Variants in NEK10 observed in about 807,000 individuals in gnomAD.
NEK10 encodes NIMA related kinase 10, also known as serine/threonine-protein kinase Nek10.
In NEK10, 122 loss-of-function variants were observed where a neutral mutation model predicts 159.8. The ratio of observed to expected loss-of-function variants is 0.76; its 90% CI spans 0.66 to 0.89. NEK10 has a LOEUF of 0.89. Among genes scored for constraint, NEK10 ranks in the 40% least tolerant of loss-of-function variants. The pLI, the probability that NEK10 is intolerant of heterozygous loss-of-function variation, is 0.00. For synonymous variants in NEK10, 466 were observed against 457.1 expected (o/e 1.02, Z -0.25); for missense variants, 1,342 against 1,323.1 (o/e 1.01, Z -0.22).
At chr3:27,268,259 T>A (rs2041063470) in intron 22 of NEK10, among the ~76,000 whole-genome samples, 1 of 152,226 alleles carries the variant, frequency 6.6e-6, no homozygotes, top group Non-Finnish European at 1.5e-5. Flanking sequence ...GTTATCCAGA[T>A]CTGGCTAAGA....
Position 27,151,607 on chromosome 3 carries a change from C to T in NEK10, c.2870-10025G>A, listed in dbSNP as rs545668283. ...ATGACAAAACAAGGCTCTGTAACAC[C>T]CCCCAAAAATCACACTTGTTCACCA... On this transcript the variant is annotated intron_variant, in intron 30 of 35. Transcript: ENST00000691995. Among the ~76,000 whole-genome samples, 17 of 152,122 alleles carry T rather than the reference C, an allele frequency of 1.1e-4. 1 individual carries two copies. In the East Asian group the frequency reaches 2.5e-3, roughly 23 times the overall value.
intron 23 of NEK10, among the ~76,000 whole-genome samples, chr3:27,228,087 A>G (rs1209448947): frequency 6.6e-6 from 1 of 152,246 alleles, no homozygotes; most frequent in Non-Finnish European, 1.5e-5. Context: ...ACCAATGAAT[A>G]TTCCTAGTCA....
chr3:27,112,489 A>G (rs953254672), intron 35 of NEK10, among the ~76,000 whole-genome samples: 1 of 152,342 alleles, frequency 6.6e-6, no homozygotes, highest in Admixed American at 6.5e-5. Context: ...GATGATGACA[A>G]TGATGACCAT....
intron 13 of NEK10, among the ~76,000 whole-genome samples, chr3:27,299,690 G>T (rs569248130): frequency 6.6e-6 from 1 of 152,240 alleles, no homozygotes; most frequent in Non-Finnish European, 1.5e-5. Flanking sequence ...CCACAGGGGC[G>T]GAGCTGCCCA....
At chr3:27,216,164 G>C (rs951320896) in intron 23 of NEK10, among the ~76,000 whole-genome samples, 2 of 152,142 alleles carry the variant, frequency 1.3e-5, no homozygotes, top group Non-Finnish European at 1.5e-5. Flanking sequence ...AACCAGCTTT[G>C]TGAATGGGGT....
At chr3:27,170,709 A>T (rs564991705) in intron 29 of NEK10, among the ~76,000 whole-genome samples, 7 of 152,288 alleles carry the variant, frequency 4.6e-5, no homozygotes, top group Non-Finnish European at 8.8e-5. Context: ...TGGGTGACAG[A>T]GCAAGATTCT....
chr3:27,258,729 T>C (rs1406912477), intron 22 of NEK10, among the ~76,000 whole-genome samples: 3 of 152,214 alleles, frequency 2.0e-5, no homozygotes, highest in Non-Finnish European at 2.9e-5. Context: ...TTTGGGTACA[T>C]ACCCAGTAAT....
At chr3:27,221,394 C>G (rs1235467778) in intron 23 of NEK10, among the ~76,000 whole-genome samples, 1 of 152,034 alleles carries the variant, frequency 6.6e-6, no homozygotes, top group South Asian at 2.1e-4. Flanking sequence ...AATGAAAAAC[C>G]ATAGTGAGAT....
At chr3:27,303,859 G>T (rs1234806356) in intron 12 of NEK10, among the ~76,000 whole-genome samples, 1 of 152,064 alleles carries the variant, frequency 6.6e-6, no homozygotes, top group African/African-American at 2.4e-5. Context: ...ATTAGAATGA[G>T]CTTTATTTAT....
At position 27,237,480 on chromosome 3, in the gene NEK10, A is replaced by G. The variant is rs536023270; in HGVS notation, c.2090+18816T>C. Among the ~76,000 whole-genome samples, 6 of 152,288 alleles carry G rather than the reference A, an allele frequency of 3.9e-5. No individual in the cohort carries two copies. The South Asian group carries it at 8.3e-4, about 21-fold the overall frequency. On this transcript the variant is annotated intron_variant, in intron 23 of 35. Transcript: ENST00000691995. The stretch of plus-strand genomic sequence containing the variant: ...AAGTATTAATTTTGGGAACTGATAA[A>G]TGTCCATGAAATCTTCACAATTTAT...
chr3:27,286,831 T>G (rs909241940), intron 20 of NEK10, among the ~76,000 whole-genome samples: 3 of 151,994 alleles, frequency 2.0e-5, no homozygotes, highest in Non-Finnish European at 4.4e-5. Context: ...TTATAGAAAA[T>G]TATTTTAATA....
At chr3:27,145,134 C>CAA (rs11374645) in intron 30 of NEK10, among the ~76,000 whole-genome samples, 28 of 143,804 alleles carry the variant, frequency 1.9e-4, no homozygotes, top group Admixed American at 4.8e-4. Flanking sequence ...GACTGTTCAC[C>CAA]AAAAAAAAAA....
At chr3:27,271,685 G>A (rs2041371781) in intron 22 of NEK10, among the ~76,000 whole-genome samples, 1 of 152,130 alleles carries the variant, frequency 6.6e-6, no homozygotes, top group Non-Finnish European at 1.5e-5. Context: ...GGACATTTGG[G>A]AGACCTGGGT....
At chr3:27,327,450 CT>C (rs1231684728) in intron 5 of NEK10, among the ~76,000 whole-genome samples, 1 of 152,196 alleles carries the variant, frequency 6.6e-6, no homozygotes, top group Non-Finnish European at 1.5e-5. Context: ...CCTGCCACCC[CT>C]GTCCGTGACC....
At position 27,191,447 on chromosome 3, in the gene NEK10, A is replaced by T. The variant is rs140871420; in HGVS notation, c.2505+582T>A. On this transcript the variant is annotated intron_variant, in intron 26 of 35. Coordinates refer to ENST00000691995, the MANE Select transcript of NEK10 (RefSeq NM_001394966.1). ...CAGCAACAAGAGCATCACTGGCACC[A>T]TTGCTTGCACATGTGGATATTTGTA... is the stretch of plus-strand genomic sequence containing the variant. Among the ~76,000 whole-genome samples, 27 of 152,378 alleles carry T rather than the reference A, an allele frequency of 1.8e-4. No homozygotes were observed. In the East Asian group the frequency reaches 5.2e-3, roughly 29 times the overall value.
intron 1 of NEK10, among the ~76,000 whole-genome samples, chr3:27,355,465 A>G (rs2048269813): frequency 6.6e-6 from 1 of 151,962 alleles, no homozygotes; most frequent in Non-Finnish European, 1.5e-5. Context: ...AGTGCTCCTC[A>G]TCTTGGTAAC....
rs2042438263 is a variant in NEK10 at position 27,284,601 on chromosome 3, C to G, written c.2014+1G>C. 1 of 1,504,822 alleles carries G rather than the reference C, an allele frequency of 6.6e-7. No individual in the cohort carries two copies. Among genetic ancestry groups the G allele is most frequent in the Admixed American group, 1.7e-5 (1 of 59,826 alleles). The allele number at this position is 1,504,822 out of a possible 1,614,324, so 93.2% of individuals were successfully genotyped here. A position where few individuals can be genotyped will look rare whatever the true frequency, so the allele number is the denominator to read the frequency against. ...AAAAGTTTAAAAATCTTTATACTTA[C>G]TAACGGTTACTTTGTCCTTATCCCC... On this transcript the variant is annotated splice_donor_variant, in intron 22 of 35. Transcript: ENST00000691995. LOFTEE classifies it high-confidence loss of function.
intron 33 of NEK10, among the ~76,000 whole-genome samples, chr3:27,117,359 G>C (rs1022606608): frequency 6.6e-6 from 1 of 152,284 alleles, no homozygotes; most frequent in Non-Finnish European, 1.5e-5. Flanking sequence ...GGGATTGCTG[G>C]TTCAAATGGT....
chr3:27,365,398 T>C (rs933754116), intron 1 of NEK10, among the ~76,000 whole-genome samples: 2 of 152,158 alleles, frequency 1.3e-5, no homozygotes, highest in Admixed American at 1.3e-4. Context: ...ATCATAACTA[T>C]TTCTAATATA....
Sources: allele counts gnomAD v4.1 joint callset (sites outside exome capture counted in the v4.1 genomes callset), GRCh38; gene constraint gnomAD v4.1.1; transcripts MANE v1.5; gene names NCBI Gene and HGNC (gene_info 2026-07-23, HGNC 2026-07-21).